PCDHA9: variants seen among roughly 807,000 people sequenced by gnomAD.
PCDHA9 encodes the protein protocadherin alpha-9.
A neutral mutation model predicts 62.0 loss-of-function variants in PCDHA9; 62 were observed. That is an observed-to-expected ratio of 1.00 (90% CI 0.81 to 1.23). The LOEUF (loss-of-function observed/expected upper bound fraction) is 1.23. PCDHA9 is among the 50% of genes most tolerant of loss of function. The probability of loss-of-function intolerance (pLI) is 0.00; values close to 1 mark genes in which losing one functional copy is unlikely to be tolerated. For missense variants in PCDHA9, 1,205 were observed against 1,249.8 expected, an observed-to-expected ratio of 0.96 and a Z score of 0.54; for synonymous variants, 557 against 567.6, an observed-to-expected ratio of 0.98 and a Z score of 0.27.
chr5:140,942,266 T>A (rs2093257794), intron 1 of PCDHA9, among the ~76,000 whole-genome samples: 1 of 152,134 alleles, frequency 6.6e-6, no homozygotes, highest in South Asian at 2.1e-4. Flanking sequence ...TATCTAAAGC[T>A]GGTAATGGTG....
chr5:140,981,612 T>C (rs2096940396), intron 2 of PCDHA9, among the ~76,000 whole-genome samples: 1 of 152,110 alleles, frequency 6.6e-6, no homozygotes, highest in Non-Finnish European at 1.5e-5. Context: ...CCTCTAATTT[T>C]GATGAGGGTT....
chr5:140,901,899 T>C (rs1439841120), intron 1 of PCDHA9, among the ~76,000 whole-genome samples: 2 of 152,152 alleles, frequency 1.3e-5, no homozygotes, highest in Non-Finnish European at 2.9e-5. Flanking sequence ...ATATTTTTCA[T>C]TGTGGAGATC....
intron 1 of PCDHA9, among the ~76,000 whole-genome samples, chr5:140,893,506 A>G (rs2064024014): frequency 1.3e-5 from 2 of 152,170 alleles, no homozygotes; most frequent in African/African-American, 4.8e-5. Flanking sequence ...AGAAAAAAAA[A>G]GCAGTTGTAG....
At chr5:140,898,597 G>C (rs1452719602) in intron 1 of PCDHA9, among the ~76,000 whole-genome samples, 12 of 152,188 alleles carry the variant, frequency 7.9e-5, no homozygotes, top group Admixed American at 1.3e-4. Context: ...CTGTAGCCTT[G>C]TAGTATAGTT....
intron 1 of PCDHA9, among the ~76,000 whole-genome samples, chr5:140,898,648 G>A (rs1436511217): frequency 6.6e-6 from 1 of 152,136 alleles, no homozygotes; most frequent in Non-Finnish European, 1.5e-5. Flanking sequence ...TGTTCTTTTG[G>A]CTTAGGATTG....
intron 1 of PCDHA9, chr5:140,876,581 C>G (rs782654448): frequency 1.9e-6 from 3 of 1,614,200 alleles, no homozygotes; most frequent in Non-Finnish European, 2.5e-6. Flanking sequence ...ACCGTCATTG[C>G]CCTGATTAGC....
At chr5:140,973,472 T>C (rs572763440) in intron 1 of PCDHA9, among the ~76,000 whole-genome samples, 3 of 152,220 alleles carry the variant, frequency 2.0e-5, no homozygotes, top group Non-Finnish European at 4.4e-5. Flanking sequence ...AGTTTGCAAA[T>C]TTCATATTGG....
chr5:140,932,875 T>G (rs935730456), intron 1 of PCDHA9, among the ~76,000 whole-genome samples: 9 of 151,998 alleles, frequency 5.9e-5, no homozygotes, highest in African/African-American at 1.7e-4. Flanking sequence ...TTTGTTGTCT[T>G]CAATATTTTC....
chr5:140,901,092 T>C (rs1374524038), intron 1 of PCDHA9, among the ~76,000 whole-genome samples: 5 of 152,228 alleles, frequency 3.3e-5, no homozygotes, highest in African/African-American at 1.2e-4. Context: ...TTGAGCTCCT[T>C]CTACATTCTG....
chr5:140,964,579 G>A (rs2095841483), intron 1 of PCDHA9, among the ~76,000 whole-genome samples: 1 of 152,090 alleles, frequency 6.6e-6, no homozygotes, highest in Non-Finnish European at 1.5e-5. Flanking sequence ...ATAAGGGGAG[G>A]AAAGATCACT....
rs1340886726 is a variant in PCDHA9, at chr5:140,874,290, G to A, written c.2394+23401G>A. Among the ~76,000 whole-genome samples, 3 of 152,146 alleles carry A rather than the reference G, an allele frequency of 2.0e-5. No homozygotes were observed. The East Asian group carries it at 5.8e-4, about 29-fold the overall frequency. On this transcript the variant is annotated intron_variant, in intron 1 of 3. Transcript: ENST00000532602. ...GTATTAATAGACTTACAAAATCTAT[G>A]TGTACTTGTTCACAATGAGTTGTAG...
intron 1 of PCDHA9, chr5:140,851,313 C>T: frequency 1.0e-6 from 1 of 998,874 alleles, no homozygotes; most frequent in Non-Finnish European, 1.2e-6. Flanking sequence ...GCAATTGTTA[C>T]CTTGTTAAGT....
At chr5:140,851,020 A>G in intron 1 of PCDHA9, 131 bp downstream of exon 1, 1 of 1,430,342 alleles carries the variant, frequency 7.0e-7, no homozygotes, top group Non-Finnish European at 9.2e-7. Flanking sequence ...TTTCTGATAA[A>G]GTAAACCCCT....
rs782426631 is a variant in PCDHA9, at chr5:140,982,476, T to G, written c.2455T>G (p.Ser819Ala). The change falls in exon 3 of 4, where the codon TCT becomes GCT. Residue 819 changes from serine to alanine, a missense_variant and splice_region_variant. By Grantham distance (99) the Ser-to-Ala change is moderately conservative (BLOSUM62 1). Around this residue, in one of 3 missense-constraint regions of PCDHA9, gnomAD observed 887 missense variants for 809.5 expected, o/e 1.10. Coordinates refer to ENST00000532602, the MANE Select transcript of PCDHA9 (RefSeq NM_031857.2). The part of the protein sequence containing the change: ...SASLRAGMHS[S>A]VHLEEAGILR... Reference sequence around the variant, plus strand: ...ATCTGGGTCTGTGTGTTTATTCAGCTCTGTGCACCTAGAGGAGGCTGGCAT... The same window carrying G: ...ATCTGGGTCTGTGTGTTTATTCAGCGCTGTGCACCTAGAGGAGGCTGGCAT... 9.3e-6 allele frequency: 15 copies of G among 1,614,064 alleles called. No individual in the cohort carries two copies. The African/African-American group carries it at 2.0e-4, about 22-fold the overall frequency.
chr5:140,850,140 G>T lies in PCDHA9; in HGVS notation c.1645G>T (p.Val549Leu), dbSNP rs2150469344. The part of the protein sequence containing the change: ...DAGVPPLGSN[V>L]TLQVFVLDEN... ...GGGCGTGCCGCCTCTGGGCAGCAACGTGACGCTGCAGGTGTTCGTGCTGGA... is the reference window on the plus strand; with the variant it reads ...GGGCGTGCCGCCTCTGGGCAGCAACTTGACGCTGCAGGTGTTCGTGCTGGA... The change falls in exon 1 of 4, where the codon GTG becomes TTG. Residue 549 changes from valine (V) to leucine (L), a missense_variant. By Grantham distance (32) the Val-to-Leu change is conservative. Transcript: ENST00000532602. 66 of 1,595,706 alleles carry T rather than the reference G, an allele frequency of 4.1e-5. 9 individuals are homozygous for T. Among genetic ancestry groups the T allele is most frequent in the East Asian group, 6.7e-5 (3 of 44,838 alleles).
chr5:140,890,505 C>T (rs968263026), intron 1 of PCDHA9, among the ~76,000 whole-genome samples: 4 of 151,914 alleles, frequency 2.6e-5, no homozygotes, highest in Admixed American at 2.6e-4. Flanking sequence ...ATTTTTATGT[C>T]TCTATTTCCT....
At chr5:140,913,966 A>C (rs2076538227) in intron 1 of PCDHA9, among the ~76,000 whole-genome samples, 1 of 152,156 alleles carries the variant, frequency 6.6e-6, no homozygotes, top group Non-Finnish European at 1.5e-5. Context: ...TTTTTAAAAA[A>C]ATATTTTAGG....
Position 140,967,283 on chromosome 5 carries a change from C to G in PCDHA9, c.2395-11666C>G, listed in dbSNP as rs782468433. The G allele has an allele frequency of 1.7e-5, 27 of 1,613,040 alleles. No homozygotes were observed. The Admixed American group carries it at 3.7e-4, about 22-fold the overall frequency. ...AGCGCGCTTTCACATAGAGAGTGCG[C>G]AGGACCCCGACGTGGGCGCCAACTC... On this transcript the variant is annotated intron_variant, in intron 1 of 3. Transcript: ENST00000532602.
intron 1 of PCDHA9, among the ~76,000 whole-genome samples, chr5:140,925,455 T>C (rs1367623051): frequency 6.6e-6 from 1 of 152,106 alleles, no homozygotes; most frequent in Non-Finnish European, 1.5e-5. Flanking sequence ...GGTGTATCTG[T>C]TGTGGCTCAG....
Sources: gnomAD v4.1 joint callset for allele counts (sites outside exome capture counted in the v4.1 genomes callset) on GRCh38, gnomAD v4.1.1 for gene constraint, gnomAD v4.1.1 regional missense constraint, MANE v1.5 for transcripts, NCBI Gene and HGNC (gene_info 2026-07-23, HGNC 2026-07-21) for gene names.